GPATCH2: variants seen among roughly 807,000 people sequenced by gnomAD.
GPATCH2 encodes G patch domain-containing protein 2.
In GPATCH2, 51 loss-of-function variants were observed where a neutral mutation model predicts 58.0. That is an observed-to-expected ratio of 0.88 (90% CI 0.70 to 1.11). The LOEUF (loss-of-function observed/expected upper bound fraction) is 1.11. Among genes scored for constraint, GPATCH2 ranks in the 50% most tolerant of loss-of-function variants. The pLI is 0.00. For synonymous variants in GPATCH2, 222 were observed against 218.5 expected (o/e 1.02, Z -0.14); for missense variants, 625 against 652.2 (o/e 0.96, Z 0.45).
intron 8 of GPATCH2, among the ~76,000 whole-genome samples, chr1:217,459,882 C>T (rs908644068): frequency 1.1e-4 from 16 of 152,094 alleles, no homozygotes; most frequent in Non-Finnish European, 2.1e-4. Context: ...TTTGATATCT[C>T]AGACTCTAAG....
chr1:217,512,865 A>C (rs1016139263), intron 6 of GPATCH2, among the ~76,000 whole-genome samples: 1 of 152,250 alleles, frequency 6.6e-6, no homozygotes, highest in Non-Finnish European at 1.5e-5. Flanking sequence ...ATCAGCTGAG[A>C]TCTTCAGAGG....
intron 5 of GPATCH2, among the ~76,000 whole-genome samples, chr1:217,567,503 C>T (rs758918080): frequency 5.3e-5 from 8 of 152,180 alleles, no homozygotes; most frequent in Non-Finnish European, 1.0e-4. Flanking sequence ...CTGTAAAGTA[C>T]GTGCAAGCAC....
At chr1:217,477,240 A>G (rs1356996881) in intron 8 of GPATCH2, among the ~76,000 whole-genome samples, 10 of 152,122 alleles carry the variant, frequency 6.6e-5, no homozygotes, top group Non-Finnish European at 1.5e-4. Context: ...ATACCTAGGT[A>G]CCACACTGAG....
chr1:217,584,705 G>C (rs760292465), intron 5 of GPATCH2, among the ~76,000 whole-genome samples: 1 of 151,434 alleles, frequency 6.6e-6, no homozygotes, highest in Non-Finnish European at 1.5e-5. Context: ...AAATGGAGGA[G>C]AAAATTAGAA....
chr1:217,583,930 T>C (rs2102749254), intron 5 of GPATCH2, among the ~76,000 whole-genome samples: 1 of 152,054 alleles, frequency 6.6e-6, no homozygotes, highest in Non-Finnish European at 1.5e-5. Context: ...AAGAAAATTA[T>C]TCATTAAAAA....
intron 5 of GPATCH2, among the ~76,000 whole-genome samples, chr1:217,536,252 T>C (rs1664456747): frequency 6.6e-6 from 1 of 152,200 alleles, no homozygotes; most frequent in Admixed American, 6.5e-5. Context: ...ACTCACTCTG[T>C]GCCTCAATAA....
intron 5 of GPATCH2, among the ~76,000 whole-genome samples, chr1:217,559,442 T>C (rs1324912819): frequency 2.0e-5 from 3 of 152,200 alleles, no homozygotes; most frequent in Non-Finnish European, 4.4e-5. Flanking sequence ...AAACTCCTTT[T>C]TCTACTACTC....
intron 9 of GPATCH2, among the ~76,000 whole-genome samples, chr1:217,439,807 T>G (rs1410461639): frequency 2.0e-5 from 3 of 152,152 alleles, no homozygotes; most frequent in African/African-American, 7.2e-5. Context: ...CTCCCAAGAC[T>G]AAAGCAGGAA....
At chr1:217,610,781 T>C (rs964369559) in intron 4 of GPATCH2, 108 bp downstream of exon 4, 1 of 721,470 alleles carries the variant, frequency 1.4e-6, no homozygotes, top group Non-Finnish European at 2.3e-6. Context: ...CTTTACAGCA[T>C]CTTGTGTTTA....
At chr1:217,555,012 A>G (rs17666128) in intron 5 of GPATCH2, among the ~76,000 whole-genome samples, 8,548 of 152,172 alleles carry the variant, frequency 0.056, 297 homozygotes, top group African/African-American at 0.094. Flanking sequence ...TACATGAATC[A>G]CTCATCAGTT....
intron 9 of GPATCH2, among the ~76,000 whole-genome samples, chr1:217,433,821 T>C (rs1163844807): frequency 6.6e-6 from 1 of 152,248 alleles, no homozygotes. Context: ...GTGTCTCACA[T>C]TGTGGGGAAC....
chr1:217,450,228 A>G (rs1384561677), intron 8 of GPATCH2, among the ~76,000 whole-genome samples: 4 of 152,120 alleles, frequency 2.6e-5, no homozygotes, highest in Non-Finnish European at 4.4e-5. Flanking sequence ...GCAGAAATAA[A>G]TGAAAGCATG....
chr1:217,500,809 G>T (rs142319635), intron 6 of GPATCH2, among the ~76,000 whole-genome samples: 9 of 151,982 alleles, frequency 5.9e-5, no homozygotes, highest in African/African-American at 2.2e-4. Flanking sequence ...GAGCTGATCT[G>T]TTAGTTCTTC....
chr1:217,474,856 T>C (rs927218915), intron 8 of GPATCH2, among the ~76,000 whole-genome samples: 3 of 151,930 alleles, frequency 2.0e-5, no homozygotes, highest in African/African-American at 7.3e-5. Context: ...CAGTCACTCA[T>C]CCAAAAGGGG....
chr1:217,607,379 T>G (rs1029931950), intron 5 of GPATCH2, among the ~76,000 whole-genome samples: 2 of 152,138 alleles, frequency 1.3e-5, no homozygotes, highest in Non-Finnish European at 2.9e-5. Flanking sequence ...TTTGAATTGT[T>G]GTGCTTTTTG....
rs541671207 is a variant in GPATCH2, at chr1:217,612,130, TG to T, written c.836-1060del. On this transcript the variant is annotated intron_variant, in intron 3 of 9. Coordinates refer to ENST00000366935, the MANE Select transcript of GPATCH2 (RefSeq NM_018040.5). The stretch of plus-strand genomic sequence containing the variant: ...AGCAGTTTGGGGTTACAGTGAGCTA[TG>T]ATTGCACCACCAGCCCTCCAGCCTG... Among the ~76,000 whole-genome samples, 706 of 151,858 alleles carry T rather than the reference TG, an allele frequency of 4.6e-3. 3 individuals are homozygous for T. Among genetic ancestry groups the T allele is most frequent in the Non-Finnish European group, 5.4e-3 (370 of 67,944 alleles).
rs552153431 is a variant in GPATCH2 at position 217,615,539 on chromosome 1, T to C, written c.774-1337A>G. ...TCTGACATTTCGCTGTCTAAACTAC[T>C]ATTGATACTTTCCTCTTTCCTGTGT... On this transcript the variant is annotated intron_variant, in intron 2 of 9. Transcript: ENST00000366935. Among the ~76,000 whole-genome samples the C allele has an allele frequency of 4.6e-5, 7 of 152,252 alleles. No individual in the cohort carries two copies. In the South Asian group the frequency reaches 1.5e-3, roughly 32 times the overall value.
rs1660349672 is a variant in GPATCH2 at position 217,464,468 on chromosome 1, C to T, written c.1278-15131G>A. ...AAAGATGCTAAACATAGGAGGTGTA[C>T]TGAAAGATACCAGTTTATAAATGAG... On this transcript the variant is annotated intron_variant, in intron 8 of 9. Transcript: ENST00000366935. Among the ~76,000 whole-genome samples, 2 of 152,114 alleles carry T rather than the reference C, an allele frequency of 1.3e-5. 1 individual carries two copies. The highest frequency in any genetic ancestry group is 4.1e-4 in the South Asian group (2 of 4,832).
chr1:217,509,371 A>G (rs1662727312), intron 6 of GPATCH2, among the ~76,000 whole-genome samples: 1 of 152,080 alleles, frequency 6.6e-6, no homozygotes, highest in Admixed American at 6.5e-5. Context: ...ATGTCTACTG[A>G]AATAAAGTTT....
Sources: allele counts gnomAD v4.1 joint callset (sites outside exome capture counted in the v4.1 genomes callset), GRCh38; gene constraint gnomAD v4.1.1; transcripts MANE v1.5; gene names NCBI Gene and HGNC (gene_info 2026-07-23, HGNC 2026-07-21).